Variants in NEK7 observed in about 807,000 individuals in gnomAD.
The protein encoded by NEK7 is serine/threonine-protein kinase Nek7.
Under a neutral mutation model 44.6 loss-of-function variants are expected in NEK7, and 18 were observed. That is an observed-to-expected ratio of 0.40 (90% CI 0.28 to 0.60). The LOEUF (loss-of-function observed/expected upper bound fraction) is 0.60, where lower values mean the gene tolerates loss of function less well. Ranked by LOEUF, NEK7 falls within the 20% of genes least tolerant of loss-of-function variation. NEK7 has a pLI of 0.38. For missense variants in NEK7, 256 were observed against 366.5 expected (o/e 0.70, Z 2.46); for synonymous variants, 130 against 121.1 (o/e 1.07, Z -0.48).
chr1:198,209,632 A>G (rs1665706021), intron 1 of NEK7, among the ~76,000 whole-genome samples: 1 of 152,076 alleles, frequency 6.6e-6, no homozygotes, highest in Admixed American at 6.6e-5. Context: ...TCACTAAAAC[A>G]TTTAATTTTT....
intron 1 of NEK7, among the ~76,000 whole-genome samples, chr1:198,196,117 G>A (rs2102778961): frequency 6.6e-6 from 1 of 152,210 alleles, no homozygotes; most frequent in Non-Finnish European, 1.5e-5. Flanking sequence ...TATATTCTAG[G>A]AAAATTGGAA....
chr1:198,179,941 G>A (rs1664713645), intron 1 of NEK7, among the ~76,000 whole-genome samples: 1 of 152,004 alleles, frequency 6.6e-6, no homozygotes, highest in African/African-American at 2.4e-5. Flanking sequence ...GTGTAATTTT[G>A]GTTAAGTTGT....
chr1:198,222,743 G>A (rs185269473), intron 1 of NEK7, among the ~76,000 whole-genome samples: 1 of 152,132 alleles, frequency 6.6e-6, no homozygotes, highest in Non-Finnish European at 1.5e-5. Context: ...AATACAGCAG[G>A]GAACAAAATG....
At chr1:198,277,502 T>C (rs954750205) in intron 5 of NEK7, among the ~76,000 whole-genome samples, 2 of 151,892 alleles carry the variant, frequency 1.3e-5, no homozygotes, top group African/African-American at 4.8e-5. Flanking sequence ...TTGTTTAATT[T>C]TTAATAAATT....
At chr1:198,262,252 T>C (rs534462127) in intron 3 of NEK7, among the ~76,000 whole-genome samples, 26 of 152,108 alleles carry the variant, frequency 1.7e-4, no homozygotes, top group Admixed American at 1.2e-3. Context: ...ACATTTAGCA[T>C]ATATTAATTG....
intron 2 of NEK7, among the ~76,000 whole-genome samples, chr1:198,252,533 T>TATATATAC (rs1653057942): frequency 1.9e-5 from 1 of 53,586 alleles, no homozygotes; most frequent in Non-Finnish European, 2.9e-5. Flanking sequence ...ACATACTATA[T>TATATATAC]ATATATATAT....
At chr1:198,262,684 A>G (rs749746195) in intron 4 of NEK7, 47 bp downstream of exon 4, 26 of 1,143,444 alleles carry the variant, frequency 2.3e-5, no homozygotes, top group Non-Finnish European at 3.2e-5. Flanking sequence ...TGGTGATAAA[A>G]GTGATTTACT....
intron 1 of NEK7, among the ~76,000 whole-genome samples, chr1:198,216,364 T>C (rs1259935731): frequency 6.6e-6 from 1 of 152,002 alleles, no homozygotes; most frequent in African/African-American, 2.4e-5. Flanking sequence ...AGATGGAAAT[T>C]TAAAAATTTT....
intron 1 of NEK7, among the ~76,000 whole-genome samples, chr1:198,196,372 T>C (rs1230396008): frequency 6.6e-6 from 1 of 152,242 alleles, no homozygotes; most frequent in Non-Finnish European, 1.5e-5. Context: ...ATGTATTATT[T>C]ACAGTTTGGA....
At chr1:198,187,877 C>G (rs1664967306) in intron 1 of NEK7, among the ~76,000 whole-genome samples, 1 of 152,134 alleles carries the variant, frequency 6.6e-6, no homozygotes, top group Non-Finnish European at 1.5e-5. Flanking sequence ...GTAATGGAGG[C>G]AATGAAGGAG....
Position 198,232,568 on chromosome 1 carries a change from G to C in NEK7, c.-13G>C. The C allele has an allele frequency of 1.9e-6, 3 of 1,579,716 alleles. No homozygotes were observed. The highest frequency in any genetic ancestry group is 2.6e-6 in the Non-Finnish European group (3 of 1,149,258). On this transcript the variant is annotated 5_prime_UTR_variant, in exon 2 of 10. Coordinates refer to ENST00000367385, the MANE Select transcript of NEK7 (RefSeq NM_133494.3). Reference sequence around the variant, plus strand: ...ATTTTTGCAGAGTTCTAAAGTTCCTGTTGCTTCAGACAATGGATGAGCAAT... The same window carrying C: ...ATTTTTGCAGAGTTCTAAAGTTCCTCTTGCTTCAGACAATGGATGAGCAAT...
chr1:198,277,531 A>G (rs1654053352), intron 5 of NEK7, among the ~76,000 whole-genome samples: 1 of 151,870 alleles, frequency 6.6e-6, no homozygotes, highest in Non-Finnish European at 1.5e-5. Context: ...TCAAATCACC[A>G]GGGTGGTTCA....
intron 9 of NEK7, among the ~76,000 whole-genome samples, chr1:198,314,651 A>G (rs562566061): frequency 6.6e-6 from 1 of 152,276 alleles, no homozygotes; most frequent in African/African-American, 2.4e-5. Flanking sequence ...TCCTTCTAAC[A>G]GACAGGACCC....
chr1:198,292,909 T>C, intron 7 of NEK7, 36 bp from the exon 8 acceptor site: 2 of 1,102,452 alleles, frequency 1.8e-6, no homozygotes, highest in Non-Finnish European at 2.8e-6. Flanking sequence ...TTTATTTTTA[T>C]ATACCTCTTA....
intron 1 of NEK7, among the ~76,000 whole-genome samples, chr1:198,213,771 C>T (rs1173948834): frequency 6.6e-6 from 1 of 152,122 alleles, no homozygotes. Flanking sequence ...CTGAGCACTT[C>T]CCCAGCCACC....
chr1:198,292,117 C>A lies in NEK7; in HGVS notation c.590-828C>A, dbSNP rs114209645. ...CTTAGACTAATGATGATGAAATAGCCATCTGAGTTTGAAATTAAAGATACT... is the reference window on the plus strand; with the variant it reads ...CTTAGACTAATGATGATGAAATAGCAATCTGAGTTTGAAATTAAAGATACT... On this transcript the variant is annotated intron_variant, in intron 7 of 9. Transcript: ENST00000367385. Among the ~76,000 whole-genome samples, 128 of 151,932 alleles carry A rather than the reference C, an allele frequency of 8.4e-4. 1 individual carries two copies. The highest frequency in any genetic ancestry group is 1.4e-3 in the Non-Finnish European group (95 of 67,878).
At chr1:198,269,529 C>G (rs889097912) in intron 5 of NEK7, among the ~76,000 whole-genome samples, 1 of 152,076 alleles carries the variant, frequency 6.6e-6, no homozygotes, top group African/African-American at 2.4e-5. Context: ...CAAAGGACAG[C>G]AGTGAATGCT....
intron 1 of NEK7, among the ~76,000 whole-genome samples, chr1:198,226,316 G>A (rs576566094): frequency 7.9e-5 from 12 of 152,016 alleles, no homozygotes; most frequent in Non-Finnish European, 1.5e-4. Flanking sequence ...AGGCCAAGGC[G>A]GGTGGATCAC....
intron 7 of NEK7, among the ~76,000 whole-genome samples, chr1:198,289,164 T>C (rs1203493333): frequency 4.0e-5 from 6 of 149,288 alleles, no homozygotes; most frequent in Admixed American, 1.4e-4. Flanking sequence ...TGTGTGTGTG[T>C]GTGTTTATAT....
Sources: allele counts gnomAD v4.1 joint callset (sites outside exome capture counted in the v4.1 genomes callset), GRCh38; gene constraint gnomAD v4.1.1; transcripts MANE v1.5; gene names NCBI Gene and HGNC (gene_info 2026-07-23, HGNC 2026-07-21).